The following KDM3B variants were observed in gnomAD, a reference collection of about 807,000 sequenced individuals.
The protein encoded by KDM3B is lysine-specific demethylase 3B.
KDM3B carries 10 observed loss-of-function variants against 170.0 expected under a neutral mutation model. The observed-to-expected ratio is 0.06, with a 90% CI of 0.04 to 0.10. KDM3B has a LOEUF of 0.10. KDM3B is among the 10% of genes least tolerant of loss of function. KDM3B has a pLI of 1.00. For synonymous variants in KDM3B, 831 were observed against 834.8 expected (o/e 1.00, Z 0.08); for missense variants, 1,394 against 2,195.2 (o/e 0.64, Z 7.29).
chr5:138,380,947 T>C (rs1370248766), intron 5 of KDM3B, among the ~76,000 whole-genome samples: 1 of 151,846 alleles, frequency 6.6e-6, no homozygotes, highest in African/African-American at 2.4e-5. Flanking sequence ...CGATCTCGGC[T>C]CACTGCAACC....
intron 9 of KDM3B, among the ~76,000 whole-genome samples, chr5:138,397,430 C>T (rs747452847): frequency 6.6e-6 from 1 of 152,150 alleles, no homozygotes; most frequent in Non-Finnish European, 1.5e-5. Context: ...ATTGTTTGAG[C>T]CCAGGAGGTC....
intron 12 of KDM3B, among the ~76,000 whole-genome samples, chr5:138,416,995 A>G (rs542475200): frequency 7.0e-4 from 107 of 152,164 alleles, no homozygotes; most frequent in African/African-American, 2.3e-3. Flanking sequence ...TAATTTTTGT[A>G]TTTTTAGTAG....
At chr5:138,376,470 C>T (rs1424737229) in intron 3 of KDM3B, among the ~76,000 whole-genome samples, 3 of 151,718 alleles carry the variant, frequency 2.0e-5, no homozygotes, top group Non-Finnish European at 2.9e-5. Context: ...TTTGGGAGGC[C>T]GAGACGGGCG....
intron 8 of KDM3B, among the ~76,000 whole-genome samples, chr5:138,392,838 A>C (rs1207490850): frequency 6.6e-6 from 1 of 152,198 alleles, no homozygotes; most frequent in Non-Finnish European, 1.5e-5. Flanking sequence ...TGGGAGCTCA[A>C]GAGGTCCTGA....
At chr5:138,407,390 A>G (rs932867289) in intron 11 of KDM3B, among the ~76,000 whole-genome samples, 1 of 152,136 alleles carries the variant, frequency 6.6e-6, no homozygotes, top group Non-Finnish European at 1.5e-5. Context: ...ATAACTTTAC[A>G]TTAAGAACTT....
At chr5:138,363,577 C>T (rs1325003465) in intron 1 of KDM3B, among the ~76,000 whole-genome samples, 1 of 152,170 alleles carries the variant, frequency 6.6e-6, no homozygotes, top group Non-Finnish European at 1.5e-5. Context: ...GACGGAGTCT[C>T]GCTCTGTCTC....
At chr5:138,404,209 A>T (rs894421404) in intron 11 of KDM3B, among the ~76,000 whole-genome samples, 8 of 152,232 alleles carry the variant, frequency 5.3e-5, no homozygotes, top group African/African-American at 1.9e-4. Flanking sequence ...AAAATATTTA[A>T]ATAAAACCAA....
Position 138,375,088 on chromosome 5 carries a change from C to G in KDM3B, c.361-5C>G. Reference sequence around the variant, plus strand: ...TAATCAATTTCTTGTCATTGTACTTCACAGACTTTTACTCCCCTTGTAGAT... The same window carrying G: ...TAATCAATTTCTTGTCATTGTACTTGACAGACTTTTACTCCCCTTGTAGAT... On this transcript the variant is annotated splice_region_variant and splice_polypyrimidine_tract_variant and intron_variant, in intron 2 of 23. Transcript: ENST00000314358. 6.5e-7 allele frequency: 1 copy of G among 1,533,256 alleles called. No individual in the cohort carries two copies. Among genetic ancestry groups the G allele is most frequent in the Non-Finnish European group, 9.0e-7 (1 of 1,106,898 alleles). The allele number at this position is 1,533,256 out of a possible 1,614,324, so 95.0% of individuals were successfully genotyped here.
rs1420316122 is a variant in KDM3B at position 138,357,368 on chromosome 5, T to A, written c.192+4381T>A. 2.0e-5 allele frequency among the ~76,000 whole-genome samples: 3 copies of A among 148,670 alleles called. No homozygotes were observed. In the East Asian group the frequency reaches 5.9e-4, roughly 29 times the overall value. On this transcript the variant is annotated intron_variant, in intron 1 of 23. Transcript: ENST00000314358. Reference sequence around the variant, plus strand: ...TATATAAATATACTTTAAAAAACATTTTTTTTTTTTTTGAGACAGGGTCTC... The same window carrying A: ...TATATAAATATACTTTAAAAAACATATTTTTTTTTTTTGAGACAGGGTCTC...
At chr5:138,415,322 T>C in intron 12 of KDM3B, 83 bp downstream of exon 12, 1 of 717,098 alleles carries the variant, frequency 1.4e-6, no homozygotes, top group Non-Finnish European at 2.3e-6. Context: ...TTTGAAATGA[T>C]TTAGCCTCAT....
intron 11 of KDM3B, among the ~76,000 whole-genome samples, chr5:138,412,005 C>T (rs550984758): frequency 4.3e-4 from 65 of 149,982 alleles, no homozygotes; most frequent in African/African-American, 1.5e-3. Flanking sequence ...CCATTGTGTC[C>T]GGCCTAATAT....
At chr5:138,386,913 T>C (rs1422953594) in intron 7 of KDM3B, among the ~76,000 whole-genome samples, 1 of 152,246 alleles carries the variant, frequency 6.6e-6, no homozygotes, top group Non-Finnish European at 1.5e-5. Context: ...AATTCTATTA[T>C]CTATTTAGTT....
intron 20 of KDM3B, among the ~76,000 whole-genome samples, chr5:138,428,310 C>T (rs1763446836): frequency 6.6e-6 from 1 of 151,572 alleles, no homozygotes. Context: ...CTCCCACGTT[C>T]AAGCGATTCT....
rs143453760 is a variant in KDM3B at position 138,424,094 on chromosome 5, G to T, written c.3992G>T (p.Ser1331Ile). The change falls in exon 16 of 24, where the codon AGC (serine) becomes ATC (isoleucine). Residue 1331 changes from serine (S) to isoleucine (I), a missense_variant. Physicochemically the swap from Ser to Ile is moderately radical, Grantham distance 142 (BLOSUM62 -2). Transcript: ENST00000314358. The part of the protein sequence containing the change: ...TSSAGVKSKA[S>I]LPNFLDHIIA... ...TGGCAGGGAGTGAAGAGCAAGGCCA[G>T]CCTACCCAACTTTCTTGACCACATC... The T allele has an allele frequency of 6.7e-5, 106 of 1,574,574 alleles. No individual in the cohort carries two copies. The African/African-American group carries it at 1.2e-3, about 18-fold the overall frequency.
chr5:138,386,027 T>C lies in KDM3B; in HGVS notation c.786T>C (p.Gly262=). The change falls in exon 7 of 24, where the codon GGT becomes GGC. Residue 262 remains glycine, a synonymous_variant. Coordinates refer to ENST00000314358, the MANE Select transcript of KDM3B (RefSeq NM_016604.4). ...TTTTGAATTTTGTTTTGTAGGGGGG[T>C]ACGTTAAAAGCAGTAAAATCTTCCA... ...MDNSAPQSEG[G]TLKAVKSSKG... 1 of 1,593,322 alleles carries C rather than the reference T, an allele frequency of 6.3e-7. No homozygotes were observed. Among genetic ancestry groups the C allele is most frequent in the Non-Finnish European group, 8.5e-7 (1 of 1,169,882 alleles).
chr5:138,403,361 A>G (rs573340425), intron 11 of KDM3B, among the ~76,000 whole-genome samples: 2 of 152,320 alleles, frequency 1.3e-5, no homozygotes, highest in East Asian at 3.9e-4. Flanking sequence ...AAAAAACCCC[A>G]GAATGACGGT....
chr5:138,403,830 C>CAA lies in KDM3B; in HGVS notation c.3199+3831_3199+3832dup, dbSNP rs370451547. 3.1e-3 allele frequency among the ~76,000 whole-genome samples: 383 copies of CAA among 125,032 alleles called. 2 individuals carry two copies. The highest frequency in any genetic ancestry group is 0.02 in the East Asian group (96 of 4,730). The allele number at this position is 125,032 out of a possible 152,430, so 82.0% of individuals were successfully genotyped here. A position where few individuals can be genotyped will look rare whatever the true frequency, so the allele number is the denominator to read the frequency against. On this transcript the variant is annotated intron_variant, in intron 11 of 23. Transcript: ENST00000314358. ...CAATATAGCAAGACCCCATCTCAAC[C>CAA]AAAAAAAAAAAAAAGAACTTTAATG... is the stretch of plus-strand genomic sequence containing the variant.
Position 138,391,489 on chromosome 5 carries a change from A to G in KDM3B, c.1857A>G (p.Glu619=). Residue 619 remains glutamate (E), a synonymous_variant, in exon 8 of 24, where the codon GAA becomes GAG. Transcript: ENST00000314358. This position sits in a 1 kb window ranked among gnomAD's most constrained non-coding sequence, Gnocchi z 5.0. ...LLNARTPENH[E]NLFLQPPKLS... Reference sequence around the variant, plus strand: ...ATGCCCGTACCCCAGAGAATCATGAAAATCTATTTTTACAGCCCCCCAAAT... The same window carrying G: ...ATGCCCGTACCCCAGAGAATCATGAGAATCTATTTTTACAGCCCCCCAAAT... The G allele has an allele frequency of 6.2e-7, 1 of 1,614,064 alleles. No homozygotes were observed. The highest frequency in any genetic ancestry group is 8.5e-7 in the Non-Finnish European group (1 of 1,180,018).
At position 138,431,607 on chromosome 5, in the gene KDM3B, C is replaced by T. The variant is rs372470830; in HGVS notation, c.5205+48C>T. 4.7e-6 allele frequency: 7 copies of T among 1,483,642 alleles called. No homozygotes were observed. The African/African-American group carries it at 9.8e-5, about 21-fold the overall frequency. The allele number at this position is 1,483,642 out of a possible 1,614,324, so 91.9% of individuals were successfully genotyped here. ...CCACTCTGTCTTCTCATTGCATACT[C>T]ACATACATTACGCAGAAAGCACATT... On this transcript the variant is annotated intron_variant, in intron 23 of 23. Coordinates refer to ENST00000314358, the MANE Select transcript of KDM3B (RefSeq NM_016604.4).
Sources: gnomAD v4.1 joint callset for allele counts (sites outside exome capture counted in the v4.1 genomes callset) on GRCh38, gnomAD v4.1.1 for gene constraint, Gnocchi (gnomAD v3.1) non-coding constraint, MANE v1.5 for transcripts, NCBI Gene and HGNC (gene_info 2026-07-23, HGNC 2026-07-21) for gene names.